The following NLRP1 variants were observed in gnomAD, a reference collection of about 807,000 sequenced individuals.
NLRP1 encodes the protein NACHT, LRR and PYD domains-containing protein 1.
In NLRP1, 94 loss-of-function variants were observed where a neutral mutation model predicts 136.7. The ratio of observed to expected loss-of-function variants is 0.69; its 90% CI spans 0.58 to 0.82. The LOEUF (loss-of-function observed/expected upper bound fraction) is 0.82, where lower values mean the gene tolerates loss of function less well. NLRP1 is among the 40% of genes least tolerant of loss of function. NLRP1 has a pLI of 0.00. For missense variants in NLRP1, 1,575 were observed against 1,802.7 expected (o/e 0.87, Z 2.29); for synonymous variants, 690 against 725.1 (o/e 0.95, Z 0.78).
downstream of NLRP1, chr17:5,512,316 T>A (rs879231640): frequency 2.1e-6 from 3 of 1,442,860 alleles, no homozygotes; most frequent in South Asian, 3.4e-5. Context: ...CAAAAGGACA[T>A]TCGCCAAGAG....
At position 5,517,916 on chromosome 17, in the gene NLRP1, C is replaced by A. The variant is rs749727136; in HGVS notation, c.3916-29G>T. ...AAGAGGCAAAGAGTTGAGTTGCCACCCTGTTCATCTTGCATGGAAGGTCTT... is the reference window on the plus strand; with the variant it reads ...AAGAGGCAAAGAGTTGAGTTGCCACACTGTTCATCTTGCATGGAAGGTCTT... On this transcript the variant is annotated intron_variant, in intron 14 of 16. Transcript: ENST00000572272. The A allele has an allele frequency of 5.6e-6, 9 of 1,612,228 alleles. No homozygotes were observed. The Admixed American group carries it at 1.3e-4, about 24-fold the overall frequency.
chr17:5,515,340 C>T lies in NLRP1; in HGVS notation c.4102+133G>A, dbSNP rs118035481. ...GGGGGTATGGGGAGCGACCATGCAC[C>T]GCTCTCCAGGGCCTGACTCTTTGTG... On this transcript the variant is annotated intron_variant, in intron 16 of 16. Transcript: ENST00000572272. 2.8e-3 allele frequency: 2,360 copies of T among 830,546 alleles called. 7 individuals are homozygous for T. The highest frequency in any genetic ancestry group is 3.8e-3 in the Non-Finnish European group (1,866 of 495,014). The allele number at this position is 830,546 out of a possible 1,614,324, so 51.4% of individuals were successfully genotyped here. A position where few individuals can be genotyped will look rare whatever the true frequency, so the allele number is the denominator to read the frequency against.
At chr17:5,533,823 G>C in intron 9 of NLRP1, 74 bp downstream of exon 9, 5 of 984,164 alleles carry the variant, frequency 5.1e-6, no homozygotes, top group Non-Finnish European at 6.3e-6. Context: ...CAGAGGGATG[G>C]AGGGAATGAC....
intron 3 of NLRP1, among the ~76,000 whole-genome samples, chr17:5,571,162 G>A (rs1005212092): frequency 6.6e-5 from 10 of 152,160 alleles, no homozygotes; most frequent in African/African-American, 2.4e-4. Flanking sequence ...CACACTGAAT[G>A]GGCAAAAGCT....
chr17:5,533,945 C>A lies in NLRP1; in HGVS notation c.3004G>T (p.Glu1002Ter), dbSNP rs780502565. Residue 1002 changes from glutamate (E) to a stop codon, truncating the protein, a stop_gained, in exon 9 of 17, where the codon GAG becomes TAG. Transcript: ENST00000572272. LOFTEE classifies it high-confidence loss of function. Reference sequence around the variant, plus strand: ...AGTGAGGATGTGCTATTACTCATCTCTCCCGTATCCAGGCCCTCAGTAGGG... The same window carrying A: ...AGTGAGGATGTGCTATTACTCATCTATCCCGTATCCAGGCCCTCAGTAGGG... ...MTPTEGLDTGEMSNSTSSLKR... is the reference protein window; with the variant it reads ...MTPTEGLDTG 2 of 1,613,792 alleles carry A rather than the reference C, an allele frequency of 1.2e-6. No individual in the cohort carries two copies. The highest frequency in any genetic ancestry group is 8.5e-7 in the Non-Finnish European group (1 of 1,179,720).
At chr17:5,530,161 A>G (rs1910057446) in intron 12 of NLRP1, 1 of 473,364 alleles carries the variant, frequency 2.1e-6, no homozygotes, top group African/African-American at 2.0e-5. Context: ...TGTCTTTGAA[A>G]AGCTTCTTCA....
downstream of NLRP1, among the ~76,000 whole-genome samples, chr17:5,513,549 G>C (rs1907770176): frequency 6.6e-6 from 1 of 152,140 alleles, no homozygotes; most frequent in African/African-American, 2.4e-5. Context: ...TTAGTCCAGT[G>C]TTCCAGCCTG....
Position 5,559,625 on chromosome 17 carries a change from A to G in NLRP1, c.1071T>C (p.Tyr357=). ...AGAAGACATGCTGGAAGCGGTCCCC[A>G]TACAGCTGGCCTCTCCCCCAGGCTT... ...VKEAWGRGQL[Y]GDRFQHVFYF... The change falls in exon 4 of 17, where the codon TAT becomes TAC. Residue 357 remains tyrosine (Y), a synonymous_variant. Coordinates refer to ENST00000572272, the MANE Select transcript of NLRP1 (RefSeq NM_033004.4). 6.2e-7 allele frequency: 1 copy of G among 1,614,192 alleles called. No individual in the cohort carries two copies. Among genetic ancestry groups the G allele is most frequent in the South Asian group, 1.1e-5 (1 of 91,092 alleles).
intron 12 of NLRP1, chr17:5,530,127 T>G: frequency 6.5e-6 from 3 of 461,504 alleles, no homozygotes; most frequent in South Asian, 4.7e-5. Flanking sequence ...GTTAGTTCAC[T>G]TAGCCTTACT....
chr17:5,539,826 G>T, intron 6 of NLRP1: 1 of 195,008 alleles, frequency 5.1e-6, no homozygotes, highest in Non-Finnish European at 9.3e-6. Context: ...GATTCACACT[G>T]ATCCAGTCCC....
downstream of NLRP1, chr17:5,511,917 C>G (rs4790266): frequency 0.43 from 104,126 of 243,842 alleles, 24,187 homozygotes; most frequent in East Asian, 0.87. Context: ...TTTGACCACA[C>G]CCAGATCATA....
chr17:5,534,571 C>A (rs1327435432), intron 8 of NLRP1, among the ~76,000 whole-genome samples: 2 of 152,104 alleles, frequency 1.3e-5, no homozygotes, highest in Non-Finnish European at 2.9e-5. Flanking sequence ...TTTCTATTGT[C>A]TTCTCTCCAC....
chr17:5,544,774 G>A (rs1049568547), intron 5 of NLRP1, among the ~76,000 whole-genome samples: 1 of 152,190 alleles, frequency 6.6e-6, no homozygotes, highest in East Asian at 1.9e-4. Context: ...AAATGATGCA[G>A]TTGGTTCTGA....
At chr17:5,545,114 C>T (rs986272620) in intron 5 of NLRP1, among the ~76,000 whole-genome samples, 1 of 152,162 alleles carries the variant, frequency 6.6e-6, no homozygotes, top group Non-Finnish European at 1.5e-5. Context: ...TCTGGACTTT[C>T]CTATCCAGCC....
intron 3 of NLRP1, among the ~76,000 whole-genome samples, chr17:5,565,404 T>C (rs1915232820): frequency 2.0e-5 from 3 of 152,220 alleles, no homozygotes; most frequent in African/African-American, 7.2e-5. Context: ...TGAAGGGTAG[T>C]TTGCAAATAC....
intron 3 of NLRP1, among the ~76,000 whole-genome samples, chr17:5,565,464 A>G (rs1339833007): frequency 5.3e-5 from 8 of 152,098 alleles, no homozygotes; most frequent in Admixed American, 2.6e-4. Context: ...TGTATCCCTC[A>G]CTGTGCAGAA....
At chr17:5,548,287 G>C (rs1912920904) in intron 5 of NLRP1, among the ~76,000 whole-genome samples, 1 of 152,194 alleles carries the variant, frequency 6.6e-6, no homozygotes, top group African/African-American at 2.4e-5. Context: ...CAGCTTCTCA[G>C]AGTGAAACCT....
intron 12 of NLRP1, among the ~76,000 whole-genome samples, chr17:5,523,999 C>T (rs1351300184): frequency 6.6e-6 from 1 of 152,182 alleles, no homozygotes; most frequent in Non-Finnish European, 1.5e-5. Flanking sequence ...TCTTGGCTCA[C>T]CACAGCCTCC....
chr17:5,566,675 C>T lies in NLRP1; in HGVS notation c.653-6632G>A, dbSNP rs116702336. 5.4e-3 allele frequency among the ~76,000 whole-genome samples: 817 copies of T among 152,174 alleles called. 5 individuals are homozygous for T. Among genetic ancestry groups the T allele is most frequent in the African/African-American group, 0.019 (787 of 41,546 alleles). The stretch of plus-strand genomic sequence containing the variant: ...AATGTTCTGTAAATATCTATTAGAT[C>T]CATTTGGTCTGTAATGCAGATTAAG... On this transcript the variant is annotated intron_variant, in intron 3 of 16. Transcript: ENST00000572272.
Sources: allele counts gnomAD v4.1 joint callset (sites outside exome capture counted in the v4.1 genomes callset), GRCh38; gene constraint gnomAD v4.1.1; transcripts MANE v1.5; gene names NCBI Gene and HGNC (gene_info 2026-07-23, HGNC 2026-07-21).